Variants in KCNT2 observed in about 807,000 individuals in gnomAD.
KCNT2 encodes potassium sodium-activated channel subfamily T member 2, also known as potassium channel subfamily T member 2.
KCNT2 carries 67 observed loss-of-function variants against 153.8 expected under a neutral mutation model. The ratio of observed to expected loss-of-function variants is 0.44; its 90% CI spans 0.36 to 0.53. KCNT2 has a LOEUF of 0.53. KCNT2 is among the 20% of genes least tolerant of loss of function. KCNT2 has a pLI of 0.00. For missense variants in KCNT2, 975 were observed against 1,354.8 expected, an observed-to-expected ratio of 0.72 and a Z score of 4.40; for synonymous variants, 500 against 458.8, an observed-to-expected ratio of 1.09 and a Z score of -1.15.
intron 19 of KCNT2, among the ~76,000 whole-genome samples, chr1:196,319,990 A>C (rs1663125905): frequency 6.6e-6 from 1 of 151,836 alleles, no homozygotes; most frequent in Non-Finnish European, 1.5e-5. Flanking sequence ...TCTATTAAGA[A>C]CTACTTTCTC....
chr1:196,575,362 A>G (rs1661232442), intron 1 of KCNT2, among the ~76,000 whole-genome samples: 1 of 152,088 alleles, frequency 6.6e-6, no homozygotes, highest in South Asian at 2.1e-4. Flanking sequence ...GGACATAATG[A>G]CATACTACAG....
chr1:196,286,197 C>T (rs1163147199), intron 22 of KCNT2, among the ~76,000 whole-genome samples: 1 of 151,966 alleles, frequency 6.6e-6, no homozygotes, highest in Non-Finnish European at 1.5e-5. Flanking sequence ...TGTTTGTGTC[C>T]CCTCAAAATT....
chr1:196,377,060 G>A (rs1669029604), intron 13 of KCNT2, among the ~76,000 whole-genome samples: 1 of 151,814 alleles, frequency 6.6e-6, no homozygotes, highest in South Asian at 2.1e-4. Context: ...AGGAAGTGGT[G>A]GTCAGAGAAG....
chr1:196,528,913 A>G (rs930198741), intron 1 of KCNT2, among the ~76,000 whole-genome samples: 3 of 152,148 alleles, frequency 2.0e-5, no homozygotes, highest in Admixed American at 1.3e-4. Context: ...AGATTGCCCC[A>G]TGCCTTTCAT....
At chr1:196,443,818 C>T (rs1434897206) in intron 8 of KCNT2, among the ~76,000 whole-genome samples, 2 of 151,680 alleles carry the variant, frequency 1.3e-5, no homozygotes, top group South Asian at 2.1e-4. Context: ...ACTATTGACA[C>T]TTGAAACTGG....
At chr1:196,460,003 G>A (rs756216679) in intron 8 of KCNT2, among the ~76,000 whole-genome samples, 1 of 151,494 alleles carries the variant, frequency 6.6e-6, no homozygotes, top group Non-Finnish European at 1.5e-5. Context: ...TCTGTGCATC[G>A]GGCAGCAAGC....
chr1:196,339,859 G>A (rs554945458), intron 16 of KCNT2, among the ~76,000 whole-genome samples: 3 of 152,156 alleles, frequency 2.0e-5, no homozygotes, highest in Admixed American at 6.6e-5. Context: ...AGTGAGGTAA[G>A]AGATGGAAAG....
chr1:196,288,090 A>T (rs1659836047), intron 22 of KCNT2, among the ~76,000 whole-genome samples: 2 of 151,862 alleles, frequency 1.3e-5, no homozygotes, highest in Non-Finnish European at 2.9e-5. Flanking sequence ...TGAAAGCTAT[A>T]AGCAGAATGT....
At chr1:196,383,427 A>G (rs942942581) in intron 13 of KCNT2, among the ~76,000 whole-genome samples, 3 of 152,166 alleles carry the variant, frequency 2.0e-5, no homozygotes, top group African/African-American at 7.2e-5. Context: ...CAATTGCTGT[A>G]TTTATCATGT....
chr1:196,475,100 T>C (rs1307750625), intron 5 of KCNT2, among the ~76,000 whole-genome samples: 2 of 152,212 alleles, frequency 1.3e-5, no homozygotes, highest in African/African-American at 4.8e-5. Context: ...CATAATGCTG[T>C]ATTAAATGTA....
chr1:196,563,948 C>G (rs1187426359), intron 1 of KCNT2, among the ~76,000 whole-genome samples: 1 of 151,782 alleles, frequency 6.6e-6, no homozygotes, highest in African/African-American at 2.4e-5. Flanking sequence ...AAATCAGGAA[C>G]AAAAAAGCAA....
chr1:196,309,203 T>C (rs1471551688), intron 21 of KCNT2, among the ~76,000 whole-genome samples: 2 of 151,974 alleles, frequency 1.3e-5, no homozygotes, highest in African/African-American at 2.4e-5. Flanking sequence ...AAAACGTAGC[T>C]ACAAACTAAT....
At chr1:196,593,307 T>TACACACACAC (rs1380637836) in intron 1 of KCNT2, among the ~76,000 whole-genome samples, 4 of 124,818 alleles carry the variant, frequency 3.2e-5, no homozygotes, top group African/African-American at 1.6e-4. Flanking sequence ...TATATATATA[T>TACACACACAC]ATATACACAC....
intron 26 of KCNT2, among the ~76,000 whole-genome samples, chr1:196,245,452 T>A (rs1163787320): frequency 6.6e-6 from 1 of 152,124 alleles, no homozygotes; most frequent in Non-Finnish European, 1.5e-5. Context: ...AACTCTTCAA[T>A]ACCCAGACAC....
chr1:196,359,357 T>C (rs1268247075), intron 14 of KCNT2, among the ~76,000 whole-genome samples: 6 of 152,006 alleles, frequency 3.9e-5, no homozygotes, highest in African/African-American at 1.4e-4. Context: ...CTTCTATTTA[T>C]TTTTCATCAA....
chr1:196,257,394 G>T, intron 26 of KCNT2: 1 of 973,996 alleles, frequency 1.0e-6, no homozygotes, highest in Non-Finnish European at 1.2e-6. Flanking sequence ...GGTAAATATG[G>T]AATACCTTCT....
At chr1:196,478,514 T>C (rs1194746961) in intron 5 of KCNT2, among the ~76,000 whole-genome samples, 1 of 152,210 alleles carries the variant, frequency 6.6e-6, no homozygotes, top group Non-Finnish European at 1.5e-5. Flanking sequence ...CAATCTCTAT[T>C]GTGCTGTCTT....
intron 1 of KCNT2, among the ~76,000 whole-genome samples, chr1:196,528,988 A>G (rs1355676337): frequency 1.3e-5 from 2 of 150,264 alleles, no homozygotes; most frequent in Non-Finnish European, 2.9e-5. Flanking sequence ...AATGTGACTG[A>G]ATAACTTTTT....
chr1:196,305,908 A>T (rs1279738833), intron 21 of KCNT2, among the ~76,000 whole-genome samples: 1 of 152,106 alleles, frequency 6.6e-6, no homozygotes, highest in Admixed American at 6.6e-5. Context: ...GTGTTCCCCA[A>T]AAGTATCCTG....
Sources: gnomAD v4.1 joint callset for allele counts (sites outside exome capture counted in the v4.1 genomes callset) on GRCh38, gnomAD v4.1.1 for gene constraint, MANE v1.5 for transcripts, NCBI Gene and HGNC (gene_info 2026-07-23, HGNC 2026-07-21) for gene names.